Variants in PLEKHA7 observed in about 807,000 individuals in gnomAD.
PLEKHA7 encodes pleckstrin homology domain containing A7.
A neutral mutation model predicts 170.0 loss-of-function variants in PLEKHA7; 104 were observed. The ratio of observed to expected loss-of-function variants is 0.61; its 90% CI spans 0.52 to 0.72. The LOEUF is 0.72. PLEKHA7 is among the 30% of genes least tolerant of loss of function. The pLI, the probability that PLEKHA7 is intolerant of heterozygous loss-of-function variation, is 0.00. For synonymous variants in PLEKHA7, 648 were observed against 660.8 expected (o/e 0.98, Z 0.30); for missense variants, 1,615 against 1,671.7 (o/e 0.97, Z 0.59).
chr11:16,896,976 G>C (rs568799522), intron 3 of PLEKHA7, among the ~76,000 whole-genome samples: 1 of 152,126 alleles, frequency 6.6e-6, no homozygotes, highest in Non-Finnish European at 1.5e-5. Flanking sequence ...TGCTTACCCT[G>C]CTTCTCTGTT....
intron 3 of PLEKHA7, among the ~76,000 whole-genome samples, chr11:17,005,889 C>G (rs1864960540): frequency 6.6e-6 from 1 of 152,164 alleles, no homozygotes; most frequent in South Asian, 2.1e-4. Context: ...AAATATAAAG[C>G]ATGGGATTCT....
chr11:16,825,385 T>C (rs538049577), intron 10 of PLEKHA7, among the ~76,000 whole-genome samples: 2 of 152,348 alleles, frequency 1.3e-5, no homozygotes, highest in East Asian at 1.9e-4. Context: ...TGAATGCACA[T>C]TGGCTTTGCT....
At chr11:16,960,480 C>T (rs1037328902) in intron 3 of PLEKHA7, among the ~76,000 whole-genome samples, 6 of 152,166 alleles carry the variant, frequency 3.9e-5, no homozygotes, top group Admixed American at 1.3e-4. Flanking sequence ...CCACCTCCAC[C>T]GCCATGGGCA....
rs564028369 is a variant in PLEKHA7 at position 16,953,038 on chromosome 11, G to C, written c.221+60951C>G. Reference sequence around the variant, plus strand: ...GTTCCCCACCAAGGGGTCAGCCCAAGATTTGGGGAACCCTTGCCCTAAATG... The same window carrying C: ...GTTCCCCACCAAGGGGTCAGCCCAACATTTGGGGAACCCTTGCCCTAAATG... On this transcript the variant is annotated intron_variant, in intron 3 of 26. Transcript: ENST00000531066. 5.8e-4 allele frequency among the ~76,000 whole-genome samples: 88 copies of C among 152,270 alleles called. 1 individual carries two copies. The highest frequency in any genetic ancestry group is 1.5e-4 in the Non-Finnish European group (10 of 68,042).
At chr11:16,822,647 C>T (rs1190972081) in intron 10 of PLEKHA7, among the ~76,000 whole-genome samples, 2 of 152,140 alleles carry the variant, frequency 1.3e-5, no homozygotes, top group African/African-American at 2.4e-5. Flanking sequence ...CCCATCTTCT[C>T]TTCATCTCCT....
intron 9 of PLEKHA7, among the ~76,000 whole-genome samples, chr11:16,839,894 A>T (rs2135231429): frequency 6.6e-6 from 1 of 152,288 alleles, no homozygotes; most frequent in African/African-American, 2.4e-5. Flanking sequence ...ACCAGGAAAC[A>T]GTGACTGTTG....
At chr11:16,828,382 C>T (rs1004578495) in intron 9 of PLEKHA7, among the ~76,000 whole-genome samples, 1 of 152,120 alleles carries the variant, frequency 6.6e-6, no homozygotes, top group Admixed American at 6.6e-5. Flanking sequence ...CTTTCCCTTC[C>T]ACCATGATTG....
At chr11:16,833,575 C>T (rs1301182394) in intron 9 of PLEKHA7, among the ~76,000 whole-genome samples, 1 of 152,168 alleles carries the variant, frequency 6.6e-6, no homozygotes, top group Admixed American at 6.5e-5. Flanking sequence ...CTGGGAGATA[C>T]ATTTTTTTAA....
chr11:16,986,086 C>T (rs1011249215), intron 3 of PLEKHA7, among the ~76,000 whole-genome samples: 1 of 152,170 alleles, frequency 6.6e-6, no homozygotes, highest in African/African-American at 2.4e-5. Context: ...GAGAGTGCTA[C>T]AGCTTATGAT....
chr11:16,778,967 C>G lies in PLEKHA7; in HGVS notation c.*31G>C, dbSNP rs1848823715. On this transcript the variant is annotated 3_prime_UTR_variant, in exon 27 of 27. Coordinates refer to ENST00000531066, the MANE Select transcript of PLEKHA7 (RefSeq NM_001329630.2). Reference sequence around the variant, plus strand: ...CTTGGAGGAAGCTGGTTCCACTGGGCCCCTGGCTCCAGGCTTCTTTGCATG... The same window carrying G: ...CTTGGAGGAAGCTGGTTCCACTGGGGCCCTGGCTCCAGGCTTCTTTGCATG... 3.4e-5 allele frequency: 24 copies of G among 702,580 alleles called. 1 individual carries two copies. The highest frequency in any genetic ancestry group is 2.3e-4 in the Middle Eastern group (1 of 4,370). The allele number at this position is 702,580 out of a possible 1,614,324, so 43.5% of individuals were successfully genotyped here.
chr11:16,915,552 C>T (rs887096014), intron 3 of PLEKHA7, among the ~76,000 whole-genome samples: 1 of 140,010 alleles, frequency 7.1e-6, no homozygotes, highest in African/African-American at 2.7e-5. Context: ...GTGATGTTCC[C>T]CTTCCTGTGT....
chr11:16,986,042 G>C (rs566032476), intron 3 of PLEKHA7, among the ~76,000 whole-genome samples: 1 of 152,224 alleles, frequency 6.6e-6, no homozygotes, highest in African/African-American at 2.4e-5. Context: ...GGATGGAAGG[G>C]GGCATTCCTA....
At chr11:16,935,630 T>C (rs1860235557) in intron 3 of PLEKHA7, among the ~76,000 whole-genome samples, 1 of 152,202 alleles carries the variant, frequency 6.6e-6, no homozygotes, top group Non-Finnish European at 1.5e-5. Context: ...TTACTGAGAC[T>C]AGGGGGCCAA....
At position 16,841,652 on chromosome 11, in the gene PLEKHA7, C is replaced by G. The variant is rs576585963; in HGVS notation, c.767G>C (p.Gly256Ala). Residue 256 changes from glycine (G) to alanine (A), a missense_variant, in exon 9 of 27, where the codon GGC becomes GCC. Coordinates refer to ENST00000531066, the MANE Select transcript of PLEKHA7 (RefSeq NM_001329630.2). The stretch of plus-strand genomic sequence containing the variant: ...GGCACTGAAGTAGTAGGTCCTCATG[C>G]CTGACTGCTCGGCCTGAGAGCCCGC... ...STAGSQAEQS[G>A]MRTYYFSADT... 5.6e-6 allele frequency: 9 copies of G among 1,614,164 alleles called. No individual in the cohort carries two copies. The highest frequency in any genetic ancestry group is 7.6e-6 in the Non-Finnish European group (9 of 1,180,032).
At chr11:16,792,190 C>T (rs1847909645) in intron 19 of PLEKHA7, among the ~76,000 whole-genome samples, 1 of 152,148 alleles carries the variant, frequency 6.6e-6, no homozygotes, top group African/African-American at 2.4e-5. Flanking sequence ...TCCGAATCAC[C>T]AATTTCTAAA....
At chr11:16,862,242 C>G (rs1854020486) in intron 4 of PLEKHA7, among the ~76,000 whole-genome samples, 1 of 152,198 alleles carries the variant, frequency 6.6e-6, no homozygotes, top group African/African-American at 2.4e-5. Context: ...AGCAGCCTCT[C>G]ACTTGGCATG....
intron 3 of PLEKHA7, among the ~76,000 whole-genome samples, chr11:16,934,565 C>T (rs899657242): frequency 1.1e-4 from 17 of 152,040 alleles, no homozygotes; most frequent in African/African-American, 4.1e-4. Flanking sequence ...TTTACCTAAA[C>T]AGAAACAGTA....
chr11:16,793,385 A>G (rs1488912828), intron 19 of PLEKHA7, among the ~76,000 whole-genome samples: 3 of 152,188 alleles, frequency 2.0e-5, no homozygotes, highest in African/African-American at 7.2e-5. Flanking sequence ...AGATGCTGAA[A>G]TCCACAGTGA....
At chr11:16,886,906 C>T (rs977063831) in intron 3 of PLEKHA7, among the ~76,000 whole-genome samples, 17 of 151,954 alleles carry the variant, frequency 1.1e-4, no homozygotes, top group African/African-American at 3.9e-4. Context: ...GGATTAGGGG[C>T]GTTAAGGGTG....
Sources: gnomAD v4.1 joint callset for allele counts (sites outside exome capture counted in the v4.1 genomes callset) on GRCh38, gnomAD v4.1.1 for gene constraint, MANE v1.5 for transcripts, NCBI Gene and HGNC (gene_info 2026-07-23, HGNC 2026-07-21) for gene names.